Variants in VTCN1 observed in about 807,000 individuals in gnomAD.
VTCN1 encodes V-set domain-containing T-cell activation inhibitor 1.
VTCN1 carries 26 observed loss-of-function variants against 26.5 expected under a neutral mutation model. The observed-to-expected ratio is 0.98, with a 90% CI of 0.72 to 1.36. The LOEUF (loss-of-function observed/expected upper bound fraction) is 1.36, where lower values mean the gene tolerates loss of function less well. Ranked by LOEUF, VTCN1 falls within the 40% of genes most tolerant of loss-of-function variation. The probability of loss-of-function intolerance (pLI) is 0.00; values close to 1 mark genes in which losing one functional copy is unlikely to be tolerated. For missense variants in VTCN1, 298 were observed against 337.7 expected (o/e 0.88, Z 0.92); for synonymous variants, 116 against 130.7 (o/e 0.89, Z 0.77).
Position 117,144,517 on chromosome 1 carries a change from C to A in VTCN1, c.*754G>T, listed in dbSNP as rs1651414945. ...ATGCCATATAGACAAGGTGAAAGGT[C>A]CTTCCCTGGACCATTCACGGATGAA... is the stretch of plus-strand genomic sequence containing the variant. On this transcript the variant is annotated 3_prime_UTR_variant, in exon 6 of 6. Transcript: ENST00000369458. The A allele has an allele frequency of 1.3e-5, 2 of 152,170 alleles. No individual in the cohort carries two copies. Among genetic ancestry groups the A allele is most frequent in the African/African-American group, 4.8e-5 (2 of 41,424 alleles). The allele number at this position is 152,170 out of a possible 1,614,324, so 9.4% of individuals were successfully genotyped here.
chr1:117,170,993 C>T (rs1172631148), intron 1 of VTCN1, among the ~76,000 whole-genome samples: 1 of 151,836 alleles, frequency 6.6e-6, no homozygotes, highest in Admixed American at 6.6e-5. Flanking sequence ...CTAATGCCCT[C>T]CCTCCCCTTG....
At chr1:117,148,217 G>A (rs965997196) in intron 4 of VTCN1, among the ~76,000 whole-genome samples, 3 of 152,222 alleles carry the variant, frequency 2.0e-5, no homozygotes. Context: ...AATGGTAGAT[G>A]TAAAGAAATG....
Position 117,156,906 on chromosome 1 carries a change from G to C in VTCN1, c.113C>G (p.Thr38Arg). Residue 38 changes from threonine to arginine, a missense_variant, in exon 3 of 6, where the codon ACA becomes AGA. Transcript: ENST00000369458. ...GFGISGRHSI[T>R]VTTVASAGNI... ...CCCAGCTGAGGCGACAGTAGTGACTGTGATGGAGTGTCTCCCTGCAGTTCA... is the reference window on the plus strand; with the variant it reads ...CCCAGCTGAGGCGACAGTAGTGACTCTGATGGAGTGTCTCCCTGCAGTTCA... 5.0e-6 allele frequency: 8 copies of C among 1,614,060 alleles called. No homozygotes were observed. Among genetic ancestry groups the C allele is most frequent in the Middle Eastern group, 1.6e-4 (1 of 6,062 alleles).
intron 1 of VTCN1, among the ~76,000 whole-genome samples, chr1:117,187,400 T>A (rs564926808): frequency 6.6e-6 from 1 of 152,016 alleles, no homozygotes; most frequent in South Asian, 2.1e-4. Flanking sequence ...TCATTATTGT[T>A]CCTTCAGGCA....
chr1:117,175,802 A>C lies in VTCN1; in HGVS notation c.33-5631T>G, dbSNP rs1647314867. Among the ~76,000 whole-genome samples, 6 of 132,420 alleles carry C rather than the reference A, an allele frequency of 4.5e-5. No homozygotes were observed. The highest frequency in any genetic ancestry group is 8.2e-5 in the Admixed American group (1 of 12,210). 86.9% of individuals were successfully genotyped at this position (132,420 alleles called of 152,430 possible). On this transcript the variant is annotated intron_variant, in intron 1 of 5. Coordinates refer to ENST00000369458, the MANE Select transcript of VTCN1 (RefSeq NM_024626.4). This position sits in a 1 kb window ranked among gnomAD's most constrained non-coding sequence, Gnocchi z 4.2. ...TTTTTTTTTTTTGAGATGGAGTTTC[A>C]CTCTGTTGCCCAGGCTGGAGTGCAC...
intron 1 of VTCN1, among the ~76,000 whole-genome samples, chr1:117,200,040 A>G (rs994434013): frequency 3.1e-4 from 47 of 152,228 alleles, no homozygotes; most frequent in African/African-American, 1.1e-3. Flanking sequence ...ATTAATAACT[A>G]TGTAAAAAAC....
chr1:117,199,631 G>A (rs1648694560), intron 1 of VTCN1, among the ~76,000 whole-genome samples: 1 of 150,560 alleles, frequency 6.6e-6, no homozygotes, highest in African/African-American at 2.5e-5. Context: ...CGGCCACAAG[G>A]AATTTTTTTT....
At chr1:117,153,460 C>CTT (rs1651907921) in intron 3 of VTCN1, 91 bp from the exon 4 acceptor site, 2 of 981,512 alleles carry the variant, frequency 2.0e-6, no homozygotes, top group Non-Finnish European at 2.9e-6. Context: ...AAAATGCAGT[C>CTT]ATTTTTTTTT....
At chr1:117,205,714 A>C (rs761037733) in intron 1 of VTCN1, among the ~76,000 whole-genome samples, 15 of 152,212 alleles carry the variant, frequency 9.9e-5, no homozygotes, top group Non-Finnish European at 2.1e-4. Flanking sequence ...TTTTTCAATA[A>C]AAGTAGGTAT....
At chr1:117,162,129 T>C (rs889021705) in intron 2 of VTCN1, among the ~76,000 whole-genome samples, 26 of 152,292 alleles carry the variant, frequency 1.7e-4, no homozygotes, top group Admixed American at 1.6e-3. Flanking sequence ...GCAGATGGAA[T>C]GAGTGTAATG....
chr1:117,181,593 C>T (rs1190389421), intron 1 of VTCN1, among the ~76,000 whole-genome samples: 2 of 152,204 alleles, frequency 1.3e-5, no homozygotes, highest in African/African-American at 4.8e-5. Context: ...TCCTGAGGGC[C>T]AGCCCAGAAC....
chr1:117,198,493 A>G (rs188762706), intron 1 of VTCN1, among the ~76,000 whole-genome samples: 2 of 152,268 alleles, frequency 1.3e-5, no homozygotes, highest in East Asian at 3.9e-4. Flanking sequence ...CAACATTTCC[A>G]TTCCCTGTCT....
intron 1 of VTCN1, among the ~76,000 whole-genome samples, chr1:117,204,287 G>T (rs1648934071): frequency 6.6e-6 from 1 of 152,142 alleles, no homozygotes; most frequent in Admixed American, 6.5e-5. Context: ...TGACCTAGGT[G>T]CTACTATTAT....
At chr1:117,208,673 A>C (rs1041021327) in intron 1 of VTCN1, among the ~76,000 whole-genome samples, 5 of 152,176 alleles carry the variant, frequency 3.3e-5, no homozygotes, top group Non-Finnish European at 7.4e-5. Flanking sequence ...GCTGCTGTCA[A>C]CAGCCATGAT....
At chr1:117,178,019 G>C (rs1647457504) in intron 1 of VTCN1, among the ~76,000 whole-genome samples, 1 of 149,018 alleles carries the variant, frequency 6.7e-6, no homozygotes, top group Non-Finnish European at 1.5e-5. Flanking sequence ...GGTCACTGCA[G>C]CCTTGGCCTC....
rs199701662 is a variant in VTCN1 at position 117,153,339 on chromosome 1, T to C, written c.476A>G (p.Tyr159Cys). Residue 159 changes from tyrosine (Y) to cysteine (C), a missense_variant, in exon 4 of 6, where the codon TAT (tyrosine) becomes TGT (cysteine). Coordinates refer to ENST00000369458, the MANE Select transcript of VTCN1 (RefSeq NM_024626.4). ...CCGCAAGGTCTCTGAGCTGGCATTA[T>C]AGTCCACATTCACTTCCGGCATGCT... is the stretch of plus-strand genomic sequence containing the variant. The part of the protein sequence containing the change: ...AFSMPEVNVD[Y>C]NASSETLRCE... The C allele has an allele frequency of 5.0e-6, 8 of 1,611,934 alleles. No homozygotes were observed. The highest frequency in any genetic ancestry group is 6.8e-6 in the Non-Finnish European group (8 of 1,178,340).
intron 2 of VTCN1, among the ~76,000 whole-genome samples, chr1:117,162,202 TA>T (rs1372185787): frequency 1.3e-5 from 2 of 152,062 alleles, no homozygotes; most frequent in Non-Finnish European, 2.9e-5. Context: ...AGTGAGAACT[TA>T]AAAAAACCAC....
intron 2 of VTCN1, among the ~76,000 whole-genome samples, chr1:117,160,796 T>A (rs915068192): frequency 1.3e-5 from 2 of 152,226 alleles, no homozygotes; most frequent in Non-Finnish European, 2.9e-5. Flanking sequence ...GCTCTTCTCC[T>A]CTTCCAGCCT....
intron 1 of VTCN1, among the ~76,000 whole-genome samples, chr1:117,209,649 G>GGGA (rs1292573231): frequency 6.6e-6 from 1 of 152,208 alleles, no homozygotes; most frequent in East Asian, 1.9e-4. Flanking sequence ...AGGGTCTAGA[G>GGGA]GGAAGCCCCT....
Sources: allele counts gnomAD v4.1 joint callset (sites outside exome capture counted in the v4.1 genomes callset), GRCh38; gene constraint gnomAD v4.1.1; non-coding constraint Gnocchi (gnomAD v3.1); transcripts MANE v1.5; gene names NCBI Gene and HGNC (gene_info 2026-07-23, HGNC 2026-07-21).